Variants in KIR3DL2 observed in about 807,000 individuals in gnomAD.
KIR3DL2 encodes the protein killer cell immunoglobulin like receptor, three Ig domains and long cytoplasmic tail 2.
Under a neutral mutation model 41.6 loss-of-function variants are expected in KIR3DL2, and 42 were observed. That is an observed-to-expected ratio of 1.01 (90% CI 0.79 to 1.31). The LOEUF (loss-of-function observed/expected upper bound fraction) is 1.31. KIR3DL2 is among the 50% of genes most tolerant of loss of function. KIR3DL2 has a pLI of 0.00. For synonymous variants in KIR3DL2, 230 were observed against 221.3 expected (o/e 1.04, Z -0.35); for missense variants, 728 against 576.8 (o/e 1.26, Z -2.68).
In KIR3DL2 at chr19:54,854,420, A is replaced by G. The variant is rs953226097; in HGVS notation, c.655+374A>G. Among the ~76,000 whole-genome samples the G allele has an allele frequency of 4.3e-3, 647 of 151,938 alleles. 21 individuals carry two copies. The highest frequency in any genetic ancestry group is 0.015 in the African/African-American group (618 of 41,238). Reference sequence around the variant, plus strand: ...CAAAGTGCTTCTACGAGGAGAACCCAAGGACACCCATATTTCTGACCTGAG... The same window carrying G: ...CAAAGTGCTTCTACGAGGAGAACCCGAGGACACCCATATTTCTGACCTGAG... On this transcript the variant is annotated intron_variant, in intron 4 of 8. Coordinates refer to ENST00000326321, the MANE Select transcript of KIR3DL2 (RefSeq NM_006737.4).
chr19:54,855,977 C>A (rs1395711631), intron 5 of KIR3DL2, 65 bp downstream of exon 5: 3 of 1,569,040 alleles, frequency 1.9e-6, no homozygotes, highest in Non-Finnish European at 2.6e-6. Flanking sequence ...GAGCTTCCTG[C>A]CGATGATGGG....
At chr19:54,863,205 A>G (rs1164889599) in intron 6 of KIR3DL2, among the ~76,000 whole-genome samples, 2 of 151,762 alleles carry the variant, frequency 1.3e-5, no homozygotes, top group Non-Finnish European at 2.9e-5. Flanking sequence ...TTATGGCTGC[A>G]TAGTATTCCA....
intron 3 of KIR3DL2, 96 bp from the exon 4 acceptor site, chr19:54,853,651 G>A: frequency 7.1e-7 from 1 of 1,415,172 alleles, no homozygotes; most frequent in African/African-American, 1.5e-5. Context: ...GGAGGAGAGA[G>A]ACAGACCTCT....
At position 54,851,164 on chromosome 19, in the gene KIR3DL2, G is replaced by A. The variant is rs1433813580; in HGVS notation, c.35-56G>A. On this transcript the variant is annotated intron_variant, in intron 1 of 8. Transcript: ENST00000326321. ...CAAGACACACAGTGCAGTGGGGGCA[G>A]CAGGGTGCCCTGGTTTGCCTGCAGT... The A allele has an allele frequency of 1.9e-6, 3 of 1,599,910 alleles. No homozygotes were observed. In the Admixed American group the frequency reaches 5.0e-5, roughly 27 times the overall value.
chr19:54,851,616 T>C (rs2064247034), intron 2 of KIR3DL2, among the ~76,000 whole-genome samples: 1 of 151,554 alleles, frequency 6.6e-6, no homozygotes, highest in East Asian at 1.9e-4. Flanking sequence ...GCTGCGGTCT[T>C]TCTACCAGAA....
In KIR3DL2 at chr19:54,866,598, G is replaced by C. The variant is rs760216935; in HGVS notation, c.1235G>C (p.Ser412Thr). 28 of 1,613,924 alleles carry C rather than the reference G, an allele frequency of 1.7e-5. No homozygotes were observed. Among genetic ancestry groups the C allele is most frequent in the Non-Finnish European group, 2.2e-5 (26 of 1,179,970 alleles). The part of the protein sequence containing the change: ...DHCVFIQRKI[S>T]RPSQRPKTPL... ...TGCGTTTTCATACAGAGAAAAATCA[G>C]TCGCCCTTCTCAGAGGCCCAAGACA... Residue 412 changes from serine (S) to threonine (T), a missense_variant, in exon 9 of 9, where the codon AGT becomes ACT. Physicochemically the swap from Ser to Thr is moderately conservative, Grantham distance 58. Coordinates refer to ENST00000326321, the MANE Select transcript of KIR3DL2 (RefSeq NM_006737.4).
At chr19:54,851,327 C>G in intron 2 of KIR3DL2, 72 bp downstream of exon 2, 1 of 1,523,866 alleles carries the variant, frequency 6.6e-7, no homozygotes, top group Non-Finnish European at 9.0e-7. Flanking sequence ...GGAGGGAAGT[C>G]CTGTCGGGGA....
At chr19:54,852,604 G>T (rs1284895940) in intron 3 of KIR3DL2, among the ~76,000 whole-genome samples, 3 of 150,484 alleles carry the variant, frequency 2.0e-5, no homozygotes, top group South Asian at 2.1e-4. Flanking sequence ...TAATCACAAG[G>T]GTCCGCGTGA....
intron 3 of KIR3DL2, 114 bp from the exon 4 acceptor site, chr19:54,853,633 A>G (rs1221942514): frequency 3.4e-5 from 42 of 1,237,426 alleles, no homozygotes; most frequent in East Asian, 2.1e-4. Flanking sequence ...ACACGGAGAC[A>G]CAGAGAGGGA....
chr19:54,855,523 A>G, intron 4 of KIR3DL2, 96 bp from the exon 5 acceptor site: 2 of 1,489,482 alleles, frequency 1.3e-6, no homozygotes, highest in Non-Finnish European at 1.8e-6. Flanking sequence ...AGAGAGCATT[A>G]GGTCATAGAG....
chr19:54,852,782 C>T (rs1276225929), intron 3 of KIR3DL2, among the ~76,000 whole-genome samples: 3 of 150,498 alleles, frequency 2.0e-5, no homozygotes, highest in Admixed American at 6.6e-5. Flanking sequence ...CCAGAGGGAA[C>T]GCAGCCCTGC....
At chr19:54,858,982 A>T in intron 5 of KIR3DL2, 97 bp from the exon 6 acceptor site, 2 of 1,130,016 alleles carry the variant, frequency 1.8e-6, no homozygotes, top group Non-Finnish European at 2.7e-6. Flanking sequence ...CCAACATTAG[A>T]TAACAGAGTG....
Position 54,867,018 on chromosome 19 carries a change from C to T in KIR3DL2, c.*287C>T. ...TTGAGGCTGCAATCACACTGAGGAA[C>T]TCACAATTCCAAACATACAAGAGGC... On this transcript the variant is annotated 3_prime_UTR_variant, in exon 9 of 9. Coordinates refer to ENST00000326321, the MANE Select transcript of KIR3DL2 (RefSeq NM_006737.4). 1 of 495,716 alleles carries T rather than the reference C, an allele frequency of 2.0e-6. No individual in the cohort carries two copies. Among genetic ancestry groups the T allele is most frequent in the Non-Finnish European group, 3.6e-6 (1 of 279,766 alleles). 30.7% of individuals were successfully genotyped at this position (495,716 alleles called of 1,614,324 possible). A position where few individuals can be genotyped will look rare whatever the true frequency, so the allele number is the denominator to read the frequency against.
Position 54,856,064 on chromosome 19 carries a change from G to T in KIR3DL2, c.949+152G>T, listed in dbSNP as rs567656836. 6.8e-6 allele frequency: 7 copies of T among 1,022,226 alleles called. No homozygotes were observed. In the Admixed American group the frequency reaches 1.3e-4, roughly 19 times the overall value. The allele number at this position is 1,022,226 out of a possible 1,614,324, so 63.3% of individuals were successfully genotyped here. A position where few individuals can be genotyped will look rare whatever the true frequency, so the allele number is the denominator to read the frequency against. On this transcript the variant is annotated intron_variant, in intron 5 of 8. Coordinates refer to ENST00000326321, the MANE Select transcript of KIR3DL2 (RefSeq NM_006737.4). ...GGTCAGGGTGCAGGATGGCAGACAG[G>T]GCACCTCCAAACCCTCTTGCATGGC...
At position 54,855,681 on chromosome 19, in the gene KIR3DL2, G is replaced by GTGACCT; in HGVS notation, c.721_726dup (p.Thr241_Leu242dup). 1 of 1,613,520 alleles carries GTGACCT rather than the reference G, an allele frequency of 6.2e-7. No individual in the cohort carries two copies. The highest frequency in any genetic ancestry group is 8.5e-7 in the Non-Finnish European group (1 of 1,179,974). ...CCCCACGGTTCAGGCAGGAGAGAAC[G>GTGACCT]TGACCTTGTCCTGTAGCTCCTGGAG... On this transcript the variant is annotated inframe_insertion, in exon 5 of 9. Transcript: ENST00000326321.
At position 54,855,740 on chromosome 19, in the gene KIR3DL2, G is replaced by A. The variant is rs2064703487; in HGVS notation, c.777G>A (p.Gly259=). 6.2e-7 allele frequency: 1 copy of A among 1,613,408 alleles called. No homozygotes were observed. Among genetic ancestry groups the A allele is most frequent in the South Asian group, 1.1e-5 (1 of 91,084 alleles). The part of the protein sequence containing the change: ...SYDIYHLSRE[G]EAHERRLRAV... ...ACATCTACCATCTGTCCAGGGAAGG[G>A]GAGGCCCATGAACGTAGGCTCCGTG... The change falls in exon 5 of 9, where the codon GGG becomes GGA. Residue 259 remains glycine (G), a synonymous_variant. Transcript: ENST00000326321.
intron 3 of KIR3DL2, 31 bp downstream of exon 3, chr19:54,852,313 G>A (rs778681245): frequency 6.3e-7 from 1 of 1,595,610 alleles, no homozygotes; most frequent in South Asian, 1.1e-5. Flanking sequence ...GCTTCTCACT[G>A]TCCCACCTCC....
At chr19:54,861,643 T>A (rs184794286) in intron 6 of KIR3DL2, among the ~76,000 whole-genome samples, 1 of 150,688 alleles carries the variant, frequency 6.6e-6, no homozygotes, top group Admixed American at 6.6e-5. Context: ...AGGGATACTC[T>A]GTCTCAAAAA....
intron 2 of KIR3DL2, 46 bp downstream of exon 2, chr19:54,851,301 G>C: frequency 6.3e-7 from 1 of 1,585,622 alleles, no homozygotes. Context: ...CCACATAAGA[G>C]GATTTTTCTG....
Sources: allele counts gnomAD v4.1 joint callset (sites outside exome capture counted in the v4.1 genomes callset), GRCh38; gene constraint gnomAD v4.1.1; transcripts MANE v1.5; gene names NCBI Gene and HGNC (gene_info 2026-07-23, HGNC 2026-07-21).